The following PARP12 variants were observed in gnomAD, a reference collection of about 807,000 sequenced individuals.
PARP12 encodes the protein protein mono-ADP-ribosyltransferase PARP12.
Under a neutral mutation model 72.4 loss-of-function variants are expected in PARP12, and 59 were observed. That is an observed-to-expected ratio of 0.81 (90% confidence interval 0.66 to 1.01). The LOEUF (loss-of-function observed/expected upper bound fraction) is 1.01, where lower values mean the gene tolerates loss of function less well. Among genes scored for constraint, PARP12 ranks in the 50% least tolerant of loss-of-function variants. The pLI, the probability that PARP12 is intolerant of heterozygous loss-of-function variation, is 0.00. For synonymous variants in PARP12, 403 were observed against 371.4 expected (o/e 1.09, Z -0.98); for missense variants, 851 against 914.0 (o/e 0.93, Z 0.89).
Position 140,033,131 on chromosome 7 carries a change from A to T in PARP12, c.1421+1104T>A. On this transcript the variant is annotated intron_variant, in intron 8 of 11. Transcript: ENST00000263549. ...TGGTCTCGAACTCCTGGGCTCAAGC[A>T]ATCTACCCGCCTCGGCCTCTTGAAC... is the stretch of plus-strand genomic sequence containing the variant. 4 of 955,168 alleles carry T rather than the reference A, an allele frequency of 4.2e-6. No homozygotes were observed. The Middle Eastern group carries it at 1.6e-3, about 384-fold the overall frequency. The allele number at this position is 955,168 out of a possible 1,614,324, so 59.2% of individuals were successfully genotyped here.
At chr7:140,050,337 G>C (rs748034383) in intron 4 of PARP12, among the ~76,000 whole-genome samples, 1 of 152,216 alleles carries the variant, frequency 6.6e-6, no homozygotes, top group Non-Finnish European at 1.5e-5. Flanking sequence ...AAGGAAGCTT[G>C]CTGTGCACTT....
At chr7:140,054,560 T>G in intron 4 of PARP12, 102 bp downstream of exon 4, 1 of 932,214 alleles carries the variant, frequency 1.1e-6, no homozygotes, top group East Asian at 2.5e-5. Flanking sequence ...CCTCTCCGGA[T>G]GGGGTAGAGG....
At chr7:140,030,685 G>A (rs1396669711) in intron 8 of PARP12, among the ~76,000 whole-genome samples, 2 of 152,210 alleles carry the variant, frequency 1.3e-5, no homozygotes, top group Non-Finnish European at 1.5e-5. Context: ...CTTCATCGAA[G>A]GCAGCCTTGT....
chr7:140,044,981 T>C (rs1816657043), intron 5 of PARP12, among the ~76,000 whole-genome samples: 1 of 151,790 alleles, frequency 6.6e-6, no homozygotes, highest in Non-Finnish European at 1.5e-5. Flanking sequence ...ATTTCTAACC[T>C]CTAGGATTAA....
chr7:140,041,482 C>T, intron 6 of PARP12, 162 bp downstream of exon 6: 1 of 610,742 alleles, frequency 1.6e-6, no homozygotes. Context: ...TCCAACTTAT[C>T]TAGTTTTGCC....
At chr7:140,058,424 T>C (rs1470607340) in intron 1 of PARP12, among the ~76,000 whole-genome samples, 3 of 150,202 alleles carry the variant, frequency 2.0e-5, no homozygotes, top group African/African-American at 7.4e-5. Context: ...GGCAGAAGAA[T>C]GGCATGAACC....
intron 1 of PARP12, among the ~76,000 whole-genome samples, chr7:140,058,720 G>T (rs1817304126): frequency 6.6e-6 from 1 of 152,118 alleles, no homozygotes; most frequent in Admixed American, 6.5e-5. Context: ...GGCAGCGCTG[G>T]CAAACTGAAA....
At chr7:140,037,990 G>C in intron 6 of PARP12, 134 bp from the exon 7 acceptor site, 1 of 1,448,082 alleles carries the variant, frequency 6.9e-7, no homozygotes, top group East Asian at 2.5e-5. Context: ...AGGCCAGGGA[G>C]CATGGTATGG....
intron 5 of PARP12, among the ~76,000 whole-genome samples, chr7:140,043,374 A>G (rs1475029156): frequency 6.6e-6 from 1 of 152,194 alleles, no homozygotes; most frequent in African/African-American, 2.4e-5. Context: ...TTAAAAAGGA[A>G]TTGAGCATCA....
intron 1 of PARP12, among the ~76,000 whole-genome samples, chr7:140,061,122 T>C (rs1359428760): frequency 6.6e-6 from 1 of 152,210 alleles, no homozygotes; most frequent in Non-Finnish European, 1.5e-5. Context: ...CTAATCTAGA[T>C]ACTTCCAGAC....
chr7:140,032,961 T>A (rs532252232), intron 8 of PARP12, among the ~76,000 whole-genome samples: 8 of 152,120 alleles, frequency 5.3e-5, no homozygotes, highest in South Asian at 2.1e-4. Context: ...TAATAATAAT[T>A]ATTATTTTTG....
At chr7:140,036,429 T>G (rs1053888877) in intron 7 of PARP12, among the ~76,000 whole-genome samples, 3 of 152,124 alleles carry the variant, frequency 2.0e-5, no homozygotes, top group African/African-American at 7.2e-5. Context: ...AGACCACACG[T>G]GGCTGGCGCT....
chr7:140,061,763 G>A (rs1388796289), intron 1 of PARP12, among the ~76,000 whole-genome samples: 2 of 152,202 alleles, frequency 1.3e-5, no homozygotes, highest in African/African-American at 2.4e-5. Context: ...GACAGCTGGA[G>A]CCTCTGCCCT....
intron 3 of PARP12, 91 bp downstream of exon 3, chr7:140,056,765 A>G (rs1176144443): frequency 7.4e-7 from 1 of 1,350,144 alleles, no homozygotes; most frequent in Non-Finnish European, 1.0e-6. Context: ...AAAGTCACAC[A>G]TTCCATGTAA....
chr7:140,041,492 C>T, intron 6 of PARP12, 152 bp downstream of exon 6: 1 of 681,220 alleles, frequency 1.5e-6, no homozygotes, highest in Non-Finnish European at 2.4e-6. Context: ...CTAGTTTTGC[C>T]ATAATTCTCC....
chr7:140,041,632 C>T lies in PARP12; in HGVS notation c.1182+12G>A, dbSNP rs776602456. 7 of 1,609,834 alleles carry T rather than the reference C, an allele frequency of 4.3e-6. No homozygotes were observed. Among genetic ancestry groups the T allele is most frequent in the Non-Finnish European group, 1.7e-6 (2 of 1,177,134 alleles). The stretch of plus-strand genomic sequence containing the variant: ...CAGGACAAAACATTCACCCTCTTTC[C>T]ATCACACTTACCTGTCTTCCATATT... On this transcript the variant is annotated intron_variant, in intron 6 of 11. Transcript: ENST00000263549.
rs1441758501 is a variant in PARP12 at position 140,026,284 on chromosome 7, C to T, written c.1693G>A (p.Gly565Ser). The T allele has an allele frequency of 1.9e-6, 3 of 1,613,686 alleles. No homozygotes were observed. Among genetic ancestry groups the T allele is most frequent in the African/African-American group, 1.3e-5 (1 of 75,076 alleles). Residue 565 changes from glycine (G) to serine (S), a missense_variant, in exon 11 of 12, where the codon GGC (glycine) becomes AGC (serine). Gly to Ser is a moderately conservative substitution (Grantham distance 56, BLOSUM62 0). This residue lies in a region of PARP12 where 347 missense variants were observed against 396.1 expected (regional missense o/e 0.88). Coordinates refer to ENST00000263549, the MANE Select transcript of PARP12 (RefSeq NM_022750.4). ...KAVDERQLFH[G>S]TSAIFVDAIC... Reference sequence around the variant, plus strand: ...GCGTCCACAAAAATGGCGCTGGTGCCGTGGAACAGCTGCCGCTCGTCCACG... The same window carrying T: ...GCGTCCACAAAAATGGCGCTGGTGCTGTGGAACAGCTGCCGCTCGTCCACG...
intron 10 of PARP12, among the ~76,000 whole-genome samples, chr7:140,026,898 C>T (rs1815759981): frequency 6.6e-6 from 1 of 152,182 alleles, no homozygotes; most frequent in African/African-American, 2.4e-5. Flanking sequence ...AGCCAGTCCT[C>T]ATGTATGAAC....
intron 1 of PARP12, among the ~76,000 whole-genome samples, chr7:140,060,060 T>C (rs1375602169): frequency 6.6e-6 from 1 of 152,234 alleles, no homozygotes; most frequent in Non-Finnish European, 1.5e-5. Context: ...TAAAATTTAT[T>C]GAGCAACTGC....
Sources: gnomAD v4.1 joint callset for allele counts (sites outside exome capture counted in the v4.1 genomes callset) on GRCh38, gnomAD v4.1.1 for gene constraint, gnomAD v4.1.1 regional missense constraint, MANE v1.5 for transcripts, NCBI Gene and HGNC (gene_info 2026-07-23, HGNC 2026-07-21) for gene names.